The following PARP8 variants were observed in gnomAD, a reference collection of about 807,000 sequenced individuals.
PARP8 encodes protein mono-ADP-ribosyltransferase PARP8.
A neutral mutation model predicts 124.1 loss-of-function variants in PARP8; 51 were observed. The ratio of observed to expected loss-of-function variants is 0.41; its 90% CI spans 0.33 to 0.52. PARP8 has a LOEUF of 0.52. Ranked by LOEUF, PARP8 falls within the 20% of genes least tolerant of loss-of-function variation. PARP8 has a pLI of 0.21. For synonymous variants in PARP8, 391 were observed against 361.5 expected (o/e 1.08, Z -0.93); for missense variants, 860 against 1,018.9 (o/e 0.84, Z 2.12).
At chr5:50,832,985 A>T (rs1211827126) in intron 23 of PARP8, 131 bp downstream of exon 23, 1 of 731,246 alleles carries the variant, frequency 1.4e-6, no homozygotes, top group Non-Finnish European at 2.3e-6. Context: ...AAGGAATAAA[A>T]CTCACTCTGA....
At chr5:50,759,804 G>T in intron 4 of PARP8, 72 bp downstream of exon 4, 1 of 1,431,822 alleles carries the variant, frequency 7.0e-7, no homozygotes, top group South Asian at 1.5e-5. Context: ...TTGTTTGTTT[G>T]TTTCATTTAG....
At chr5:50,830,071 A>C (rs1746775303) in intron 22 of PARP8, 110 bp downstream of exon 22, 3 of 1,230,308 alleles carry the variant, frequency 2.4e-6, no homozygotes, top group Non-Finnish European at 3.1e-6. Context: ...TATTTTTATT[A>C]AATTTGTTTG....
chr5:50,783,212 T>C (rs528926052), intron 9 of PARP8, among the ~76,000 whole-genome samples: 3 of 151,130 alleles, frequency 2.0e-5, no homozygotes, highest in East Asian at 3.9e-4. Flanking sequence ...GGAAGGGAGA[T>C]GGGGTAGAAG....
In PARP8 at chr5:50,680,438, G is replaced by A. The variant is rs1228541579; in HGVS notation, c.146+12313G>A. On this transcript the variant is annotated intron_variant, in intron 2 of 25. Coordinates refer to ENST00000281631, the MANE Select transcript of PARP8 (RefSeq NM_024615.4). ...GTTTACTGTCTATTTGTCTCTCTCA[G>A]TGTCTCTGGGTGTGTGTCTGTTTAC... Among the ~76,000 whole-genome samples the A allele has an allele frequency of 3.3e-5, 5 of 152,242 alleles. No individual in the cohort carries two copies. In the South Asian group the frequency reaches 8.3e-4, roughly 25 times the overall value.
chr5:50,751,182 A>G (rs1759218408), intron 3 of PARP8, among the ~76,000 whole-genome samples: 2 of 152,108 alleles, frequency 1.3e-5, no homozygotes, highest in South Asian at 4.1e-4. Flanking sequence ...GTAGCACAGG[A>G]TGTATGGTAG....
At chr5:50,808,688 C>T (rs1204655511) in intron 14 of PARP8, among the ~76,000 whole-genome samples, 1 of 152,000 alleles carries the variant, frequency 6.6e-6, no homozygotes, top group African/African-American at 2.4e-5. Flanking sequence ...GCAGTATGGC[C>T]TGACTCAGTT....
At chr5:50,739,666 T>A (rs1473750562) in intron 2 of PARP8, among the ~76,000 whole-genome samples, 1 of 149,684 alleles carries the variant, frequency 6.7e-6, no homozygotes, top group East Asian at 1.9e-4. Context: ...ACAATAATTT[T>A]GTAAGGAAGG....
At chr5:50,713,805 G>A (rs1305514862) in intron 2 of PARP8, among the ~76,000 whole-genome samples, 1 of 152,070 alleles carries the variant, frequency 6.6e-6, no homozygotes, top group East Asian at 1.9e-4. Flanking sequence ...ATGGGATGAA[G>A]GAAGCAGAGG....
At position 50,769,544 on chromosome 5, in the gene PARP8, A is replaced by G. The variant is rs1208353917; in HGVS notation, c.518+6302A>G. On this transcript the variant is annotated intron_variant, in intron 7 of 25. Coordinates refer to ENST00000281631, the MANE Select transcript of PARP8 (RefSeq NM_024615.4). ...GTTATAATGTTTATTTAACCCAGTA[A>G]TTCAAGAAGTGATTCTATGAGAAGA... Among the ~76,000 whole-genome samples the G allele has an allele frequency of 2.0e-5, 3 of 151,998 alleles. No homozygotes were observed. The East Asian group carries it at 5.8e-4, about 29-fold the overall frequency.
chr5:50,784,900 T>G (rs1339498751), intron 9 of PARP8, among the ~76,000 whole-genome samples: 1 of 152,064 alleles, frequency 6.6e-6, no homozygotes, highest in Non-Finnish European at 1.5e-5. Flanking sequence ...AAAGTATTAA[T>G]TTTTTAAAAC....
Position 50,794,317 on chromosome 5 carries a change from T to C in PARP8, c.848T>C (p.Phe283Ser), listed in dbSNP as rs1742279816. 8.1e-6 allele frequency: 13 copies of C among 1,613,100 alleles called. No individual in the cohort carries two copies. Among genetic ancestry groups the C allele is most frequent in the African/African-American group, 1.3e-5 (1 of 74,900 alleles). The change falls in exon 11 of 26, where the codon TTT becomes TCT. Residue 283 changes from phenylalanine to serine, a missense_variant. Phe to Ser is a radical substitution (Grantham distance 155, BLOSUM62 -2). Transcript: ENST00000281631. ...EKKVKSPLHLFSTLRRSPSYP... is the reference protein window; with the variant it reads ...EKKVKSPLHLSSTLRRSPSYP... ...AAAGTGAAGTCTCCCCTGCATTTAT[T>C]TTCTACTTTGCGCAGGTTGGTAACA...
chr5:50,666,497 G>A (rs1749289188), upstream of PARP8: 1 of 151,570 alleles, frequency 6.6e-6, no homozygotes, highest in South Asian at 2.1e-4. Flanking sequence ...CGCCCGGGAT[G>A]GCTAATACTC....
At position 50,695,662 on chromosome 5, in the gene PARP8, G is replaced by A. The variant is rs1752946329; in HGVS notation, c.146+27537G>A. 4.8e-5 allele frequency among the ~76,000 whole-genome samples: 7 copies of A among 147,162 alleles called. No homozygotes were observed. The Admixed American group carries it at 4.9e-4, about 10-fold the overall frequency. ...CATCCTTGCTTCATTGTATAGTTCAGTAATGGACTATTTCTAAATTTTTTT... is the reference window on the plus strand; with the variant it reads ...CATCCTTGCTTCATTGTATAGTTCAATAATGGACTATTTCTAAATTTTTTT... On this transcript the variant is annotated intron_variant, in intron 2 of 25. Transcript: ENST00000281631.
chr5:50,839,471 T>C (rs1367096348), intron 25 of PARP8, among the ~76,000 whole-genome samples: 1 of 152,010 alleles, frequency 6.6e-6, no homozygotes, highest in Non-Finnish European at 1.5e-5. Context: ...TATCTAAGCC[T>C]TGCCAGTTGC....
intron 14 of PARP8, among the ~76,000 whole-genome samples, chr5:50,806,262 GA>G (rs1464479353): frequency 6.6e-6 from 1 of 151,978 alleles, no homozygotes; most frequent in Non-Finnish European, 1.5e-5. Flanking sequence ...AATACTGACA[GA>G]ATGGCACCAG....
intron 2 of PARP8, 31 bp from the exon 3 acceptor site, chr5:50,750,120 T>A: frequency 6.5e-7 from 1 of 1,530,844 alleles, no homozygotes; most frequent in Non-Finnish European, 9.0e-7. Context: ...TAGCAATAAC[T>A]TGAGCCTTTT....
At chr5:50,834,719 C>A in intron 24 of PARP8, 3 of 554,050 alleles carry the variant, frequency 5.4e-6, no homozygotes. Flanking sequence ...TATTGTTATA[C>A]CAGTTGTTAT....
At chr5:50,695,145 A>G (rs532817037) in intron 2 of PARP8, among the ~76,000 whole-genome samples, 48 of 152,298 alleles carry the variant, frequency 3.2e-4, no homozygotes, top group African/African-American at 1.1e-3. Context: ...GCATCCTTCA[A>G]TCCAATCAAG....
At position 50,667,176 on chromosome 5, in the gene PARP8, C is replaced by T; in HGVS notation, c.81C>T (p.Cys27=). 1 of 1,596,416 alleles carries T rather than the reference C, an allele frequency of 6.3e-7. No individual in the cohort carries two copies. Among genetic ancestry groups the T allele is most frequent in the Non-Finnish European group, 8.5e-7 (1 of 1,179,754 alleles). ...AGAAGTCCAGAGCTGAGAAGGACTG[C>T]CTGTTTGCAGGTGAGTTCTTGCTTT... ...VIQKSRAEKD[C]LFADFRYSDS... The change falls in exon 1 of 26, where the codon TGC becomes TGT. Residue 27 remains cysteine (C), a synonymous_variant. Coordinates refer to ENST00000281631, the MANE Select transcript of PARP8 (RefSeq NM_024615.4).
Sources: allele counts gnomAD v4.1 joint callset (sites outside exome capture counted in the v4.1 genomes callset), GRCh38; gene constraint gnomAD v4.1.1; transcripts MANE v1.5; gene names NCBI Gene and HGNC (gene_info 2026-07-23, HGNC 2026-07-21).